The following HMG20B variants were observed in gnomAD, a reference collection of about 807,000 sequenced individuals.
The protein encoded by HMG20B is high mobility group 20B, also known as SWI/SNF-related matrix-associated actin-dependent regulator of chromatin subfamily E member 1-related.
Under a neutral mutation model 41.6 loss-of-function variants are expected in HMG20B, and 24 were observed. The observed-to-expected ratio is 0.58, with a 90% CI of 0.42 to 0.81. The LOEUF (loss-of-function observed/expected upper bound fraction) is 0.81, where lower values mean the gene tolerates loss of function less well. Among genes scored for constraint, HMG20B ranks in the 30% least tolerant of loss-of-function variants. HMG20B has a pLI of 0.00. For synonymous variants in HMG20B, 251 were observed against 186.6 expected (o/e 1.34, Z -2.81); for missense variants, 461 against 444.0 (o/e 1.04, Z -0.34).
intron 7 of HMG20B, 35 bp downstream of exon 7, chr19:3,576,660 T>C (rs1180154051): frequency 1.9e-6 from 3 of 1,576,392 alleles, no homozygotes; most frequent in Non-Finnish European, 2.6e-6. Flanking sequence ...GCGAACTCCG[T>C]GAAACTGGGT....
intron 1 of HMG20B, 56 bp from the exon 2 acceptor site, chr19:3,573,236 G>A: frequency 2.8e-6 from 4 of 1,414,720 alleles, no homozygotes; most frequent in South Asian, 1.3e-5. Flanking sequence ...CCCAGTTCGC[G>A]GTCTGCCATC....
intron 4 of HMG20B, among the ~76,000 whole-genome samples, chr19:3,575,190 G>A (rs1392357787): frequency 6.6e-6 from 1 of 152,288 alleles, no homozygotes; most frequent in Admixed American, 6.5e-5. Context: ...TGTAACAAAA[G>A]CCATCACTGC....
chr19:3,577,042 T>C lies in HMG20B; in HGVS notation c.743T>C (p.Leu248Pro). The C allele has an allele frequency of 1.3e-6, 2 of 1,548,604 alleles. No individual in the cohort carries two copies. Among genetic ancestry groups the C allele is most frequent in the Non-Finnish European group, 1.7e-6 (2 of 1,147,328 alleles). Residue 248 changes from leucine (L) to proline (P), a missense_variant, in exon 8 of 10, where the codon CTG becomes CCG. Coordinates refer to ENST00000333651, the MANE Select transcript of HMG20B (RefSeq NM_006339.3). ...LALEERRTLA[L>P]QQQLQAVRQA... is the part of the protein sequence containing the mutation. ...CTGGAGGAGCGGAGGACGCTGGCGC[T>C]GCAGCAGCAGCTCCAGGCCGTGCGC...
rs202025208 is a variant in HMG20B, at chr19:3,576,292, C to T, written c.504C>T (p.Leu168=). The change falls in exon 6 of 10, where the codon CTC becomes CTT. Residue 168 remains leucine, a synonymous_variant. Transcript: ENST00000333651. ...EDSSSGLMNT[L]LNGHKGGDCD... is the part of the protein sequence containing the mutation. ...CGAGCTCTGGGCTCATGAACACTCT[C>T]CTGAATGGACACAAGGTAAGCGACC... 3 of 1,612,846 alleles carry T rather than the reference C, an allele frequency of 1.9e-6. No individual in the cohort carries two copies. The highest frequency in any genetic ancestry group is 3.3e-5 in the Admixed American group (2 of 59,820).
chr19:3,577,203 C>A, intron 8 of HMG20B, 96 bp downstream of exon 8: 1 of 892,528 alleles, frequency 1.1e-6, no homozygotes, highest in East Asian at 2.9e-5. Flanking sequence ...TGTCGCCCGG[C>A]GCCGCCCATC....
chr19:3,578,775 C>A lies in HMG20B; in HGVS notation c.*254C>A. On this transcript the variant is annotated 3_prime_UTR_variant, in exon 10 of 10. Coordinates refer to ENST00000333651, the MANE Select transcript of HMG20B (RefSeq NM_006339.3). Reference sequence around the variant, plus strand: ...CCTCACAGCCGAGGGTGCCCCTCCTCGGAGGACAGCCACGCGCTACACTGG... The same window carrying A: ...CCTCACAGCCGAGGGTGCCCCTCCTAGGAGGACAGCCACGCGCTACACTGG... 1 of 742,404 alleles carries A rather than the reference C, an allele frequency of 1.3e-6. No individual in the cohort carries two copies. The highest frequency in any genetic ancestry group is 2.5e-5 in the East Asian group (1 of 39,476). 46.0% of individuals were successfully genotyped at this position (742,404 alleles called of 1,614,324 possible). A position where few individuals can be genotyped will look rare whatever the true frequency, so the allele number is the denominator to read the frequency against.
chr19:3,578,578 C>G lies in HMG20B; in HGVS notation c.*57C>G. ...GCTGTGGGCGCGGCCCTGCCACACC[C>G]CACCCCGTGGACGAGAGGCTGGGGG... On this transcript the variant is annotated 3_prime_UTR_variant, in exon 10 of 10. Coordinates refer to ENST00000333651, the MANE Select transcript of HMG20B (RefSeq NM_006339.3). The G allele has an allele frequency of 6.4e-7, 1 of 1,551,538 alleles. No homozygotes were observed. The highest frequency in any genetic ancestry group is 8.7e-7 in the Non-Finnish European group (1 of 1,147,448).
Position 3,576,909 on chromosome 19 carries a change from C to T in HMG20B, c.610C>T (p.Arg204Trp), listed in dbSNP as rs1273617508. The change falls in exon 8 of 10, where the codon CGG (arginine) becomes TGG (tryptophan). Residue 204 changes from arginine to tryptophan, a missense_variant. Around this residue, in one of 3 missense-constraint regions of HMG20B, gnomAD observed 308 missense variants for 283.4 expected, o/e 1.09. Coordinates refer to ENST00000333651, the MANE Select transcript of HMG20B (RefSeq NM_006339.3). The stretch of plus-strand genomic sequence containing the variant: ...CGGCGCAGCGCGTGAGGCGGAGCTT[C>T]GGCGCTTGCGGAAGATGAATGTGGC... ...DQNKAREAEL[R>W]RLRKMNVAFE... is the part of the protein sequence containing the mutation. 1.9e-6 allele frequency: 3 copies of T among 1,574,552 alleles called. No homozygotes were observed. Among genetic ancestry groups the T allele is most frequent in the Non-Finnish European group, 1.7e-6 (2 of 1,161,798 alleles).
intron 2 of HMG20B, 23 bp downstream of exon 2, chr19:3,573,370 C>T: frequency 6.6e-7 from 1 of 1,517,434 alleles, no homozygotes; most frequent in Non-Finnish European, 8.8e-7. Flanking sequence ...ATCCCCTCCC[C>T]ACGCCCTCGC....
In HMG20B at chr19:3,578,613, TG is replaced by T; in HGVS notation, c.*96del. On this transcript the variant is annotated 3_prime_UTR_variant, in exon 10 of 10. Coordinates refer to ENST00000333651, the MANE Select transcript of HMG20B (RefSeq NM_006339.3). The stretch of plus-strand genomic sequence containing the variant: ...GACGAGAGGCTGGGGGTCCACCCTT[TG>T]GGGCCTGGTCCCATCCTGCACCTTG... 6.7e-7 allele frequency: 1 copy of T among 1,496,158 alleles called. No individual in the cohort carries two copies. Among genetic ancestry groups the T allele is most frequent in the Non-Finnish European group, 9.1e-7 (1 of 1,097,724 alleles). 92.7% of individuals were successfully genotyped at this position (1,496,158 alleles called of 1,614,324 possible). A position where few individuals can be genotyped will look rare whatever the true frequency, so the allele number is the denominator to read the frequency against.
chr19:3,578,081 C>G lies in HMG20B; in HGVS notation c.909C>G (p.Val303=). The G allele has an allele frequency of 3.1e-6, 5 of 1,611,540 alleles. No individual in the cohort carries two copies. Among genetic ancestry groups the G allele is most frequent in the Non-Finnish European group, 4.2e-6 (5 of 1,179,452 alleles). Reference sequence around the variant, plus strand: ...CCGCCCAGCACGAGAAGCTCATCGTCCGCATCAAGGAAATCCTGGCCCAGG... The same window carrying G: ...CCGCCCAGCACGAGAAGCTCATCGTGCGCATCAAGGAAATCCTGGCCCAGG... ...RDPAQHEKLI[V]RIKEILAQVA... is the part of the protein sequence containing the mutation. The change falls in exon 9 of 10, where the codon GTC becomes GTG. Residue 303 remains valine, a synonymous_variant. Coordinates refer to ENST00000333651, the MANE Select transcript of HMG20B (RefSeq NM_006339.3).
In HMG20B at chr19:3,574,433, G is replaced by A. The variant is rs765416345; in HGVS notation, c.198G>A (p.Leu66=). The A allele has an allele frequency of 6.2e-7, 1 of 1,608,366 alleles. No homozygotes were observed. Among genetic ancestry groups the A allele is most frequent in the South Asian group, 1.1e-5 (1 of 90,220 alleles). ...WPKGKKRKKI[L]PNGPKAPVTG... Reference sequence around the variant, plus strand: ...AGGGCAAGAAGCGGAAGAAGATTCTGCCGAATGGGCCCAAGGCACCGGTCA... The same window carrying A: ...AGGGCAAGAAGCGGAAGAAGATTCTACCGAATGGGCCCAAGGCACCGGTCA... Residue 66 remains leucine (L), a synonymous_variant, in exon 4 of 10, where the codon CTG becomes CTA. Coordinates refer to ENST00000333651, the MANE Select transcript of HMG20B (RefSeq NM_006339.3).
chr19:3,578,329 C>T, intron 9 of HMG20B, 180 bp from the exon 10 acceptor site: 2 of 1,157,338 alleles, frequency 1.7e-6, no homozygotes, highest in Non-Finnish European at 2.4e-6. Flanking sequence ...GGCACCAGAA[C>T]TTCCCTAAAG....
At chr19:3,577,922 G>A in intron 8 of HMG20B, 59 bp from the exon 9 acceptor site, 2 of 1,481,630 alleles carry the variant, frequency 1.3e-6, no homozygotes, top group East Asian at 2.5e-5. Context: ...CGCTGCCCCT[G>A]GAGCCCCCGC....
intron 1 of HMG20B, 56 bp from the exon 2 acceptor site, chr19:3,573,236 G>C (rs1395305232): frequency 4.9e-6 from 7 of 1,414,720 alleles, no homozygotes; most frequent in Non-Finnish European, 6.6e-6. Flanking sequence ...CCCAGTTCGC[G>C]GTCTGCCATC....
At chr19:3,576,491 C>A in intron 6 of HMG20B, 62 bp from the exon 7 acceptor site, 1 of 1,494,844 alleles carries the variant, frequency 6.7e-7, no homozygotes, top group Non-Finnish European at 9.3e-7. Flanking sequence ...GCTTGGGGCA[C>A]ACCCAGAGAG....
chr19:3,576,558 G>T lies in HMG20B; in HGVS notation c.525G>T (p.Gly175=). Residue 175 remains glycine, a synonymous_variant, in exon 7 of 10, where the codon GGG becomes GGT. Coordinates refer to ENST00000333651, the MANE Select transcript of HMG20B (RefSeq NM_006339.3). ...MNTLLNGHKG[G]DCDGFSTFDV... is the part of the protein sequence containing the mutation. Reference sequence around the variant, plus strand: ...ACCTTGTCCCTTCGTCTTAGGGTGGGGACTGCGATGGCTTCTCCACCTTCG... The same window carrying T: ...ACCTTGTCCCTTCGTCTTAGGGTGGTGACTGCGATGGCTTCTCCACCTTCG... The T allele has an allele frequency of 6.2e-7, 1 of 1,613,072 alleles. No individual in the cohort carries two copies. Among genetic ancestry groups the T allele is most frequent in the Non-Finnish European group, 8.5e-7 (1 of 1,179,458 alleles).
In HMG20B at chr19:3,576,964, G is replaced by A. The variant is rs1293907305; in HGVS notation, c.665G>A (p.Arg222Lys). The A allele has an allele frequency of 5.1e-6, 8 of 1,579,866 alleles. No individual in the cohort carries two copies. Among genetic ancestry groups the A allele is most frequent in the African/African-American group, 1.3e-5 (1 of 74,192 alleles). Reference protein sequence around the residue: ...AFEEQNAVLQRHTQSMSSARE... With the variant: ...AFEEQNAVLQKHTQSMSSARE... ...GAGGAGCAGAACGCGGTACTGCAGA[G>A]GCACACGCAGAGCATGAGCAGCGCG... The change falls in exon 8 of 10, where the codon AGG (arginine) becomes AAG (lysine). Residue 222 changes from arginine to lysine, a missense_variant. Physicochemically the swap from Arg to Lys is conservative, Grantham distance 26 (BLOSUM62 2). Transcript: ENST00000333651.
In HMG20B at chr19:3,578,231, C is replaced by A. The variant is rs754943224; in HGVS notation, c.941+118C>A. ...GACTCCGCAGCTTACTAGAGATCAC[C>A]TCCCGGAGGGGCCTACCTGCGGTCG... On this transcript the variant is annotated intron_variant, in intron 9 of 9. Coordinates refer to ENST00000333651, the MANE Select transcript of HMG20B (RefSeq NM_006339.3). 3 of 1,408,382 alleles carry A rather than the reference C, an allele frequency of 2.1e-6. No individual in the cohort carries two copies. The African/African-American group carries it at 4.3e-5, about 20-fold the overall frequency. 87.2% of individuals were successfully genotyped at this position (1,408,382 alleles called of 1,614,324 possible). A position where few individuals can be genotyped will look rare whatever the true frequency, so the allele number is the denominator to read the frequency against.
Sources: allele counts gnomAD v4.1 joint callset (sites outside exome capture counted in the v4.1 genomes callset), GRCh38; gene constraint gnomAD v4.1.1; regional missense constraint gnomAD v4.1.1; transcripts MANE v1.5; gene names NCBI Gene and HGNC (gene_info 2026-07-23, HGNC 2026-07-21).